The following UGT1A8 variants were observed in gnomAD, a reference collection of about 807,000 sequenced individuals.
UGT1A8 encodes the protein UDP glucuronosyltransferase family 1 member A8, also known as UDP-glucuronosyltransferase 1A8.
In UGT1A8, 39 loss-of-function variants were observed where a neutral mutation model predicts 45.3. That is an observed-to-expected ratio of 0.86 (90% confidence interval 0.67 to 1.12). UGT1A8 has a LOEUF of 1.12. UGT1A8 is among the 50% of genes most tolerant of loss of function. UGT1A8 has a pLI of 0.00. For missense variants in UGT1A8, 719 were observed against 664.9 expected, an observed-to-expected ratio of 1.08 and a Z score of -0.90; for synonymous variants, 275 against 249.2, an observed-to-expected ratio of 1.10 and a Z score of -0.97.
At position 233,767,893 on chromosome 2, in the gene UGT1A8, CA is replaced by C. The variant is rs745655794; in HGVS notation, c.1034del (p.Asn345ThrfsTer18). ...TGTRPSNLAN[N>X]TILVKWLPQN... ...GAACCCGACCATCGAATCTTGCGAA[CA>C]ACACGATACTTGTTAAGTGGCTACC... On this transcript the variant is annotated frameshift_variant, in exon 3 of 5. Coordinates refer to ENST00000373450, the MANE Select transcript of UGT1A8 (RefSeq NM_019076.5). LOFTEE classifies it high-confidence loss of function. The C allele has an allele frequency of 3.1e-6, 5 of 1,614,158 alleles. No individual in the cohort carries two copies. In the South Asian group the frequency reaches 5.5e-5, roughly 18 times the overall value.
At chr2:233,683,411 C>G (rs1466870497) in intron 1 of UGT1A8, among the ~76,000 whole-genome samples, 1 of 152,062 alleles carries the variant, frequency 6.6e-6, no homozygotes, top group Non-Finnish European at 1.5e-5. Context: ...GTGTTTTCCA[C>G]TTTTGGGGTT....
At chr2:233,768,790 G>T (rs1021832155) in intron 4 of UGT1A8, among the ~76,000 whole-genome samples, 16 of 151,906 alleles carry the variant, frequency 1.1e-4, no homozygotes, top group African/African-American at 3.9e-4. Context: ...CACCATGTTT[G>T]TCAGGCTGGT....
intron 1 of UGT1A8, among the ~76,000 whole-genome samples, chr2:233,701,708 C>T (rs530092195): frequency 1.2e-4 from 19 of 152,298 alleles, no homozygotes; most frequent in African/African-American, 3.8e-4. Context: ...AACCGCTCAA[C>T]TACATGGAAA....
At chr2:233,747,820 A>T in intron 1 of UGT1A8, 1 of 1,613,402 alleles carries the variant, frequency 6.2e-7, no homozygotes, top group East Asian at 2.2e-5. Context: ...ACCAATTCAG[A>T]CCACATGACA....
At chr2:233,661,136 A>G (rs2073954930) in intron 1 of UGT1A8, among the ~76,000 whole-genome samples, 1 of 151,604 alleles carries the variant, frequency 6.6e-6, no homozygotes, top group Non-Finnish European at 1.5e-5. Flanking sequence ...TTGACAAATT[A>G]TCTATGGATG....
chr2:233,628,059 T>C (rs754265263), intron 1 of UGT1A8, among the ~76,000 whole-genome samples: 13 of 152,074 alleles, frequency 8.5e-5, no homozygotes, highest in Non-Finnish European at 1.3e-4. Flanking sequence ...AGCTACAAAA[T>C]TATTACAGTA....
At chr2:233,693,365 C>T in intron 1 of UGT1A8, 2 of 1,614,176 alleles carry the variant, frequency 1.2e-6, no homozygotes, top group South Asian at 2.2e-5. Flanking sequence ...TGTTATTGGC[C>T]TGTACTTCAT....
At chr2:233,755,032 C>G (rs753512191) in intron 1 of UGT1A8, 1 of 1,314,500 alleles carries the variant, frequency 7.6e-7, no homozygotes, top group South Asian at 1.1e-5. Flanking sequence ...AAGGGCCTGC[C>G]GCCTGCGCAG....
chr2:233,728,946 G>T (rs1229319811), intron 1 of UGT1A8, among the ~76,000 whole-genome samples: 2 of 148,876 alleles, frequency 1.3e-5, no homozygotes, highest in Non-Finnish European at 2.9e-5. Context: ...TCCAGGGTGG[G>T]GCCCACAGTG....
At chr2:233,636,723 A>G in intron 1 of UGT1A8, 2 of 1,614,190 alleles carry the variant, frequency 1.2e-6, no homozygotes, top group Non-Finnish European at 1.7e-6. Context: ...GGCAACTGGA[A>G]AGATCACTGA....
At chr2:233,738,810 A>G (rs1410873326) in intron 1 of UGT1A8, 1 of 152,272 alleles carries the variant, frequency 6.6e-6, no homozygotes. Flanking sequence ...CTAGCTAAAG[A>G]AATTTGAATA....
rs145504500 is a variant in UGT1A8, at chr2:233,698,674, T to G, written c.856-68360T>G. Among the ~76,000 whole-genome samples the G allele has an allele frequency of 3.6e-3, 549 of 152,314 alleles. 4 individuals carry two copies. Among genetic ancestry groups the G allele is most frequent in the African/African-American group, 0.013 (526 of 41,574 alleles). The stretch of plus-strand genomic sequence containing the variant: ...TTATAGGTAACTATTGGCCCAACTA[T>G]AAAACAAATACATTTCTAAAAAAAA... On this transcript the variant is annotated intron_variant, in intron 1 of 4. Coordinates refer to ENST00000373450, the MANE Select transcript of UGT1A8 (RefSeq NM_019076.5).
intron 1 of UGT1A8, among the ~76,000 whole-genome samples, chr2:233,707,806 GAGGGCGTGCATA>G (rs1165429482): frequency 6.6e-6 from 1 of 152,162 alleles, no homozygotes; most frequent in East Asian, 1.9e-4. Context: ...TGCTGCGTTG[GAGGGCGTGCATA>G]TCATTAATTT....
In UGT1A8 at chr2:233,769,368, G is replaced by T. The variant is rs1276563226; in HGVS notation, c.1295+929G>T. ...TGGGAAGAAGTGGTGGCCAGTGGTA[G>T]ATTTCATCCGACAATAGATACTGTG... On this transcript the variant is annotated intron_variant, in intron 4 of 4. Coordinates refer to ENST00000373450, the MANE Select transcript of UGT1A8 (RefSeq NM_019076.5). This position sits in a 1 kb window ranked among gnomAD's most constrained non-coding sequence, Gnocchi z 4.4. Among the ~76,000 whole-genome samples the T allele has an allele frequency of 6.6e-6, 1 of 152,222 alleles. No homozygotes were observed. The highest frequency in any genetic ancestry group is 1.5e-5 in the Non-Finnish European group (1 of 68,036).
At chr2:233,704,907 G>T (rs1235978243) in intron 1 of UGT1A8, among the ~76,000 whole-genome samples, 1 of 152,152 alleles carries the variant, frequency 6.6e-6, no homozygotes, top group Admixed American at 6.5e-5. Context: ...GCTGAGGCAG[G>T]TGGATCACCT....
intron 1 of UGT1A8, chr2:233,721,965 A>G (rs58524075): frequency 0.012 from 3,584 of 301,472 alleles, 120 homozygotes; most frequent in African/African-American, 0.073. Flanking sequence ...ATATGCATAC[A>G]TTGATGGCCT....
At chr2:233,640,315 C>A (rs754770406) in intron 1 of UGT1A8, among the ~76,000 whole-genome samples, 2 of 152,088 alleles carry the variant, frequency 1.3e-5, no homozygotes, top group Non-Finnish European at 2.9e-5. Flanking sequence ...CTTATTCTGA[C>A]CTTTTAAAGA....
chr2:233,755,506 C>T (rs1314328553), intron 1 of UGT1A8: 1 of 167,798 alleles, frequency 6.0e-6, no homozygotes, highest in Admixed American at 5.8e-5. Context: ...CAAGACCAGG[C>T]CCCGCCCACT....
rs767732319 is a variant in UGT1A8, at chr2:233,772,468, T to A, written c.1502T>A (p.Phe501Tyr). ...FLLAVVLTVA[F>Y]ITFKCCAYGY... Reference sequence around the variant, plus strand: ...TTGGCCGTCGTGCTGACAGTGGCCTTCATCACCTTTAAATGTTGTGCTTAT... The same window carrying A: ...TTGGCCGTCGTGCTGACAGTGGCCTACATCACCTTTAAATGTTGTGCTTAT... The change falls in exon 5 of 5, where the codon TTC (phenylalanine) becomes TAC (tyrosine). Residue 501 changes from phenylalanine (F) to tyrosine (Y), a missense_variant. Physicochemically the swap from Phe to Tyr is conservative, Grantham distance 22. Transcript: ENST00000373450. The A allele has an allele frequency of 3.7e-6, 6 of 1,614,162 alleles. No homozygotes were observed. In the South Asian group the frequency reaches 6.6e-5, roughly 18 times the overall value.
Sources: allele counts gnomAD v4.1 joint callset (sites outside exome capture counted in the v4.1 genomes callset), GRCh38; gene constraint gnomAD v4.1.1; non-coding constraint Gnocchi (gnomAD v3.1); transcripts MANE v1.5; gene names NCBI Gene and HGNC (gene_info 2026-07-23, HGNC 2026-07-21).